The following TPO variants were observed in gnomAD, a reference collection of about 807,000 sequenced individuals.
TPO encodes thyroid peroxidase.
In TPO, 78 loss-of-function variants were observed where a neutral mutation model predicts 96.9. That is an observed-to-expected ratio of 0.81 (90% CI 0.67 to 0.97). TPO has a LOEUF of 0.97. Among genes scored for constraint, TPO ranks in the 50% least tolerant of loss-of-function variants. TPO has a pLI of 0.00. For missense variants in TPO, 1,252 were observed against 1,274.8 expected, an observed-to-expected ratio of 0.98 and a Z score of 0.27; for synonymous variants, 547 against 538.0, an observed-to-expected ratio of 1.02 and a Z score of -0.23.
Position 1,484,052 on chromosome 2 carries a change from T to C in TPO, c.1339-544T>C, listed in dbSNP as rs140004663. On this transcript the variant is annotated intron_variant, in intron 8 of 16. Coordinates refer to ENST00000329066, the MANE Select transcript of TPO (RefSeq NM_001206744.2). The stretch of plus-strand genomic sequence containing the variant: ...AAACAACTTGACACTGATTTTTCTG[T>C]CTGAAAGAAACACTGTTAAACCTGA... Among the ~76,000 whole-genome samples, 298 of 152,334 alleles carry C rather than the reference T, an allele frequency of 2.0e-3. 1 individual carries two copies. The highest frequency in any genetic ancestry group is 6.8e-3 in the African/African-American group (284 of 41,572).
chr2:1,516,859 A>C, intron 14 of TPO, 24 bp from the exon 15 acceptor site: 2 of 1,612,204 alleles, frequency 1.2e-6, no homozygotes, highest in Non-Finnish European at 1.7e-6. Context: ...GGTTCTTCTA[A>C]CCAGGCCTCT....
In TPO at chr2:1,496,139, G is replaced by T; in HGVS notation, c.2157G>T (p.Glu719Asp). 6.2e-7 allele frequency: 1 copy of T among 1,614,136 alleles called. No homozygotes were observed. The highest frequency in any genetic ancestry group is 8.5e-7 in the Non-Finnish European group (1 of 1,180,018). ...FQVGKFPEDF[E>D]SCDSITGMNL... is the part of the protein sequence containing the mutation. ...TCGGCAAATTCCCCGAAGACTTTGA[G>T]TCTTGTGACAGCATCACTGGCATGA... Residue 719 changes from glutamate to aspartate, a missense_variant, in exon 12 of 17, where the codon GAG becomes GAT. Transcript: ENST00000329066.
chr2:1,409,088 C>G (rs1662288968), upstream of TPO, among the ~76,000 whole-genome samples: 1 of 151,828 alleles, frequency 6.6e-6, no homozygotes, highest in Non-Finnish European at 1.5e-5. Context: ...CAGGGACAGA[C>G]TGCGGTCCCC....
intron 12 of TPO, 27 bp downstream of exon 12, chr2:1,496,224 C>G (rs373066878): frequency 1.9e-6 from 3 of 1,604,730 alleles, no homozygotes; most frequent in African/African-American, 1.3e-5. Flanking sequence ...TCTCACACCA[C>G]GTTACAGCAC....
In TPO at chr2:1,456,280, C is replaced by A. The variant is rs557448072; in HGVS notation, c.817C>A (p.Gln273Lys). 2 of 1,614,018 alleles carry A rather than the reference C, an allele frequency of 1.2e-6. No individual in the cohort carries two copies. Among genetic ancestry groups the A allele is most frequent in the Non-Finnish European group, 1.7e-6 (2 of 1,179,928 alleles). ...CENQNPCFPIQLPEEARPAAG... is the reference protein window; with the variant it reads ...CENQNPCFPIKLPEEARPAAG... ...GAACCAAAACCCATGTTTTCCCATACAAGTAAGTTTTAGAAAACGTTTCTA... is the reference window on the plus strand; with the variant it reads ...GAACCAAAACCCATGTTTTCCCATAAAAGTAAGTTTTAGAAAACGTTTCTA... Residue 273 changes from glutamine (Q) to lysine (K), a missense_variant and splice_region_variant, in exon 7 of 17, where the codon CAA becomes AAA. Physicochemically the swap from Gln to Lys is moderately conservative, Grantham distance 53 (BLOSUM62 1). Transcript: ENST00000329066.
rs1475824041 is a variant in TPO at position 1,456,125 on chromosome 2, CAG to C, written c.664_665del (p.Asp222Ter). The C allele has an allele frequency of 5.0e-6, 8 of 1,613,932 alleles. No individual in the cohort carries two copies. The highest frequency in any genetic ancestry group is 5.9e-6 in the Non-Finnish European group (7 of 1,180,046). The stretch of plus-strand genomic sequence containing the variant: ...ATTCAAGTTTCAAATGAGGTTGTCA[CAG>C]ATGATGACCGCTATTCTGACCTCCT... On this transcript the variant is annotated frameshift_variant, in exon 7 of 17. Coordinates refer to ENST00000329066, the MANE Select transcript of TPO (RefSeq NM_001206744.2). LOFTEE classifies it high-confidence loss of function.
At chr2:1,507,548 C>G (rs1673604034) in intron 14 of TPO, among the ~76,000 whole-genome samples, 1 of 152,210 alleles carries the variant, frequency 6.6e-6, no homozygotes, top group African/African-American at 2.4e-5. Context: ...TTTGTATCCT[C>G]TTTTATTTCA....
intron 5 of TPO, among the ~76,000 whole-genome samples, chr2:1,449,162 A>T (rs1453026563): frequency 6.6e-6 from 1 of 152,110 alleles, no homozygotes; most frequent in Admixed American, 6.6e-5. Context: ...TATTGGAAGA[A>T]CCCTTAAGAT....
chr2:1,512,892 G>A (rs879342204), intron 14 of TPO, among the ~76,000 whole-genome samples: 6 of 152,184 alleles, frequency 3.9e-5, no homozygotes, highest in Non-Finnish European at 7.4e-5. Flanking sequence ...TGATTATACT[G>A]CTGCCCCTGC....
At chr2:1,387,117 C>T (rs1384305800) in intron 1 of TPO, among the ~76,000 whole-genome samples, 33 of 152,082 alleles carry the variant, frequency 2.2e-4, no homozygotes, top group Middle Eastern at 3.2e-3. Flanking sequence ...GTGGGTAACC[C>T]GACCTTTCTC....
At chr2:1,408,094 G>A (rs892137122) in intron 1 of TPO, among the ~76,000 whole-genome samples, 4 of 152,180 alleles carry the variant, frequency 2.6e-5, no homozygotes, top group African/African-American at 9.7e-5. Context: ...GCCTTCTGAC[G>A]CCAGAGTTAC....
rs1405593186 is a variant in TPO, at chr2:1,414,728, C to T, written c.94+226C>T. Among the ~76,000 whole-genome samples, 4 of 152,170 alleles carry T rather than the reference C, an allele frequency of 2.6e-5. No individual in the cohort carries two copies. The East Asian group carries it at 5.8e-4, about 22-fold the overall frequency. ...GATTTTCCTTGGATGACACAATAGA[C>T]AATTTTCACTTTTACCTATTCATAT... On this transcript the variant is annotated intron_variant, in intron 2 of 16. Transcript: ENST00000329066.
At chr2:1,474,350 A>G (rs1429446967) in intron 7 of TPO, among the ~76,000 whole-genome samples, 1 of 152,024 alleles carries the variant, frequency 6.6e-6, no homozygotes, top group Non-Finnish European at 1.5e-5. Flanking sequence ...TGCTGTTTTG[A>G]TTTGCTGCCC....
intron 3 of TPO, among the ~76,000 whole-genome samples, chr2:1,432,535 G>A (rs1665093366): frequency 1.5e-5 from 2 of 131,836 alleles, no homozygotes; most frequent in South Asian, 2.8e-4. Context: ...GGGGAGGCCT[G>A]CAGGTGAGGA....
intron 1 of TPO, among the ~76,000 whole-genome samples, chr2:1,386,634 C>T (rs1223512354): frequency 1.3e-5 from 2 of 152,100 alleles, no homozygotes; most frequent in Admixed American, 6.6e-5. Flanking sequence ...TTCCTGAATA[C>T]AGCACACTGA....
chr2:1,406,577 A>G (rs548674248), intron 1 of TPO, among the ~76,000 whole-genome samples: 5 of 152,342 alleles, frequency 3.3e-5, no homozygotes, highest in Admixed American at 3.3e-4. Context: ...CTTGCTGGCC[A>G]TGGCTCTGCC....
intron 9 of TPO, among the ~76,000 whole-genome samples, chr2:1,487,460 C>T (rs931800108): frequency 4.6e-5 from 7 of 152,126 alleles, no homozygotes; most frequent in African/African-American, 1.2e-4. Flanking sequence ...TTGGGCTGGG[C>T]GCGGTGGCTC....
upstream of TPO, chr2:1,413,343 CACA>C (rs1040800624): frequency 1.3e-5 from 2 of 152,122 alleles, no homozygotes; most frequent in Non-Finnish European, 2.9e-5. Flanking sequence ...CCGGCGCAAA[CACA>C]ACAAAGCCCG....
chr2:1,391,203 TG>T (rs1433900764), intron 1 of TPO, among the ~76,000 whole-genome samples: 1 of 152,226 alleles, frequency 6.6e-6, no homozygotes, highest in African/African-American at 2.4e-5. Flanking sequence ...GAATTAATTT[TG>T]TATAAGATGT....
Sources: gnomAD v4.1 joint callset for allele counts (sites outside exome capture counted in the v4.1 genomes callset) on GRCh38, gnomAD v4.1.1 for gene constraint, MANE v1.5 for transcripts, NCBI Gene and HGNC (gene_info 2026-07-23, HGNC 2026-07-21) for gene names.